EFCAB8: variants seen among roughly 807,000 people sequenced by gnomAD.
EFCAB8 encodes the protein EF-hand calcium binding domain 8, also known as EF-hand calcium-binding domain-containing protein 8.
Under a neutral mutation model 116.3 loss-of-function variants are expected in EFCAB8, and 100 were observed. The ratio of observed to expected loss-of-function variants is 0.86; its 90% CI spans 0.73 to 1.02. The LOEUF (loss-of-function observed/expected upper bound fraction) is 1.02. Among genes scored for constraint, EFCAB8 ranks in the 50% least tolerant of loss-of-function variants. The pLI, the probability that EFCAB8 is intolerant of heterozygous loss-of-function variation, is 0.00. For missense variants in EFCAB8, 1,320 were observed against 1,416.9 expected, an observed-to-expected ratio of 0.93 and a Z score of 1.10; for synonymous variants, 558 against 567.9, an observed-to-expected ratio of 0.98 and a Z score of 0.25.
At chr20:32,897,272 T>C (rs1322196012) in intron 10 of EFCAB8, among the ~76,000 whole-genome samples, 1 of 152,062 alleles carries the variant, frequency 6.6e-6, no homozygotes, top group Non-Finnish European at 1.5e-5. Flanking sequence ...GCTGTCACCT[T>C]CACGAGATCG....
chr20:32,877,052 AG>A (rs957008047), intron 4 of EFCAB8, among the ~76,000 whole-genome samples: 1 of 152,076 alleles, frequency 6.6e-6, no homozygotes, highest in African/African-American at 2.4e-5. Context: ...GAGTTTGCCC[AG>A]GGCTTCAGAC....
At chr20:32,954,605 A>G (rs1697991578) in intron 23 of EFCAB8, among the ~76,000 whole-genome samples, 1 of 152,240 alleles carries the variant, frequency 6.6e-6, no homozygotes, top group Non-Finnish European at 1.5e-5. Flanking sequence ...TTAAAATTAC[A>G]AAGATATTCT....
At chr20:32,926,360 AT>A (rs980292316) in intron 20 of EFCAB8, among the ~76,000 whole-genome samples, 6 of 151,050 alleles carry the variant, frequency 4.0e-5, no homozygotes, top group African/African-American at 1.5e-4. Flanking sequence ...TGCACGTTAA[AT>A]TTTTTTTTAT....
intron 7 of EFCAB8, among the ~76,000 whole-genome samples, chr20:32,890,001 A>T (rs1162389565): frequency 2.4e-4 from 8 of 33,932 alleles, no homozygotes; most frequent in South Asian, 1.2e-3. Context: ...ACTCAGTCTT[A>T]AAAAAAAAAA....
chr20:32,859,946 G>T (rs1358365320), intron 1 of EFCAB8, among the ~76,000 whole-genome samples: 1 of 152,114 alleles, frequency 6.6e-6, no homozygotes, highest in Non-Finnish European at 1.5e-5. Flanking sequence ...ATTGCCTTTA[G>T]TTGTTGGGTC....
intron 22 of EFCAB8, among the ~76,000 whole-genome samples, chr20:32,942,556 T>G (rs113128522): frequency 2.9e-4 from 44 of 152,118 alleles, no homozygotes; most frequent in Middle Eastern, 3.4e-3. Flanking sequence ...ATTAAAAGAT[T>G]AACTGATTGT....
chr20:32,941,039 G>C (rs1243793961), intron 22 of EFCAB8, among the ~76,000 whole-genome samples: 1 of 149,258 alleles, frequency 6.7e-6, no homozygotes, highest in Non-Finnish European at 1.5e-5. Flanking sequence ...GGATTATGAG[G>C]TCAGGAGTTT....
chr20:32,861,032 T>A (rs529800518), intron 1 of EFCAB8, among the ~76,000 whole-genome samples: 1 of 152,240 alleles, frequency 6.6e-6, no homozygotes, highest in South Asian at 2.1e-4. Flanking sequence ...CCACTGTGCC[T>A]GGCCTGCATC....
At chr20:32,907,254 C>T (rs1297214193) in intron 13 of EFCAB8, 1 of 368,492 alleles carries the variant, frequency 2.7e-6, no homozygotes, top group African/African-American at 2.2e-5. Context: ...CTCAGTCTCC[C>T]TATCCATAGA....
In EFCAB8 at chr20:32,858,936, G is replaced by C. The variant is rs3746386; in HGVS notation, c.-81G>C. ...GCTGCCAATGTCTTTGTTGAGATGGGAGTTGGAAAGTGTTAGCACTTTGCC... is the reference window on the plus strand; with the variant it reads ...GCTGCCAATGTCTTTGTTGAGATGGCAGTTGGAAAGTGTTAGCACTTTGCC... On this transcript the variant is annotated 5_prime_UTR_variant, in exon 1 of 27. Coordinates refer to ENST00000400522, the MANE Select transcript of EFCAB8 (RefSeq NM_001143967.2). 0.2 allele frequency: 94,257 copies of C among 470,086 alleles called. 10,282 individuals carry two copies. The highest frequency in any genetic ancestry group is 0.35 in the East Asian group (4,989 of 14,304). 29.1% of individuals were successfully genotyped at this position (470,086 alleles called of 1,614,324 possible). A position where few individuals can be genotyped will look rare whatever the true frequency, so the allele number is the denominator to read the frequency against.
In EFCAB8 at chr20:32,885,761, C is replaced by G. The variant is rs1405945590; in HGVS notation, c.567+121C>G. 69 of 1,259,640 alleles carry G rather than the reference C, an allele frequency of 5.5e-5. 2 individuals are homozygous for G. The Middle Eastern group carries it at 1.6e-3, about 30-fold the overall frequency. The allele number at this position is 1,259,640 out of a possible 1,614,324, so 78.0% of individuals were successfully genotyped here. On this transcript the variant is annotated intron_variant, in intron 6 of 26. Coordinates refer to ENST00000400522, the MANE Select transcript of EFCAB8 (RefSeq NM_001143967.2). ...TCATGGTCTAAGCAGCCTGGACTTG[C>G]AGTCACAGCACCTGGGTCCTGACTT...
chr20:32,955,141 A>T (rs1406960103), intron 23 of EFCAB8, among the ~76,000 whole-genome samples: 2 of 152,210 alleles, frequency 1.3e-5, no homozygotes, highest in Non-Finnish European at 2.9e-5. Flanking sequence ...TGCTTAAGGC[A>T]GGCCCCTCCC....
In EFCAB8 at chr20:32,918,230, G is replaced by C. The variant is rs888786850; in HGVS notation, c.2062-132G>C. 12 of 850,560 alleles carry C rather than the reference G, an allele frequency of 1.4e-5. No individual in the cohort carries two copies. In the East Asian group the frequency reaches 3.2e-4, roughly 23 times the overall value. The allele number at this position is 850,560 out of a possible 1,614,324, so 52.7% of individuals were successfully genotyped here. A position where few individuals can be genotyped will look rare whatever the true frequency, so the allele number is the denominator to read the frequency against. On this transcript the variant is annotated intron_variant, in intron 18 of 26. Coordinates refer to ENST00000400522, the MANE Select transcript of EFCAB8 (RefSeq NM_001143967.2). Reference sequence around the variant, plus strand: ...AGAAGCTCTGGTCTGATGCCTTTAAGGGGGCTAGGTTTCTGGGAAGCAAGC... The same window carrying C: ...AGAAGCTCTGGTCTGATGCCTTTAACGGGGCTAGGTTTCTGGGAAGCAAGC...
chr20:32,925,706 G>C (rs1000027549), intron 20 of EFCAB8, among the ~76,000 whole-genome samples: 1 of 152,260 alleles, frequency 6.6e-6, no homozygotes. Flanking sequence ...CAGTAGGGAA[G>C]GACCAGATGG....
At chr20:32,865,792 C>T (rs1984368160) in intron 2 of EFCAB8, among the ~76,000 whole-genome samples, 1 of 144,020 alleles carries the variant, frequency 6.9e-6, no homozygotes, top group African/African-American at 2.6e-5. Context: ...GAGACTCTGT[C>T]TCAAAAAAAA....
At chr20:32,919,426 A>C (rs1029707160) in intron 19 of EFCAB8, among the ~76,000 whole-genome samples, 3 of 152,208 alleles carry the variant, frequency 2.0e-5, no homozygotes, top group African/African-American at 7.2e-5. Flanking sequence ...TTGAGTTATC[A>C]GAGGTTACAC....
chr20:32,961,278 C>T lies in EFCAB8; in HGVS notation c.3536C>T (p.Pro1179Leu), dbSNP rs1989142881. 2 of 1,549,902 alleles carry T rather than the reference C, an allele frequency of 1.3e-6. No individual in the cohort carries two copies. The highest frequency in any genetic ancestry group is 2.4e-5 in the East Asian group (1 of 40,910). Residue 1179 changes from proline to leucine, a missense_variant, in exon 27 of 27, where the codon CCC becomes CTC. By Grantham distance (98) the Pro-to-Leu change is moderately conservative. Coordinates refer to ENST00000400522, the MANE Select transcript of EFCAB8 (RefSeq NM_001143967.2). ...CACCATGTCCAGAAGGACCTGGTGC[C>T]CAGCAGGGAGCAGGCTGTGCTGGAT... ...VAHHVQKDLV[P>L]SREQAVLDTT...
chr20:32,875,772 G>A (rs1984938458), intron 3 of EFCAB8, among the ~76,000 whole-genome samples, 154 bp from the exon 4 acceptor site: 1 of 152,008 alleles, frequency 6.6e-6, no homozygotes, highest in South Asian at 2.1e-4. Context: ...GCCTCCCAAA[G>A]TGCTGGAATT....
At chr20:32,903,065 G>A (rs770435001) in intron 11 of EFCAB8, among the ~76,000 whole-genome samples, 12 of 152,120 alleles carry the variant, frequency 7.9e-5, no homozygotes, top group Non-Finnish European at 1.2e-4. Flanking sequence ...CCTGACCCAC[G>A]GCCATCAACA....
Sources: allele counts gnomAD v4.1 joint callset (sites outside exome capture counted in the v4.1 genomes callset), GRCh38; gene constraint gnomAD v4.1.1; transcripts MANE v1.5; gene names NCBI Gene and HGNC (gene_info 2026-07-23, HGNC 2026-07-21).